Variants in H1-8 observed in about 807,000 individuals in gnomAD.
The protein encoded by H1-8 is H1.8 linker histone, also known as histone H1.8.
A neutral mutation model predicts 19.5 loss-of-function variants in H1-8; 13 were observed. The ratio of observed to expected loss-of-function variants is 0.67; its 90% CI spans 0.43 to 1.06. The LOEUF (loss-of-function observed/expected upper bound fraction) is 1.06. Ranked by LOEUF, H1-8 falls within the 50% of genes least tolerant of loss-of-function variation. The pLI, the probability that H1-8 is intolerant of heterozygous loss-of-function variation, is 0.00. For missense variants in H1-8, 432 were observed against 459.8 expected, an observed-to-expected ratio of 0.94 and a Z score of 0.55; for synonymous variants, 193 against 187.6, an observed-to-expected ratio of 1.03 and a Z score of -0.24.
chr3:129,546,403 G>A (rs1443957861), intron 1 of H1-8, among the ~76,000 whole-genome samples: 3 of 152,200 alleles, frequency 2.0e-5, no homozygotes, highest in East Asian at 1.9e-4. Flanking sequence ...CACTGTACCC[G>A]TCACCCAGCT....
At chr3:129,545,293 G>T (rs1235377429) in intron 1 of H1-8, among the ~76,000 whole-genome samples, 1 of 152,058 alleles carries the variant, frequency 6.6e-6, no homozygotes, top group East Asian at 1.9e-4. Context: ...TTTAAATTCT[G>T]CAGATTGATC....
At chr3:129,547,748 G>T (rs1048697375) in intron 2 of H1-8, 68 bp downstream of exon 2, 1 of 1,376,608 alleles carries the variant, frequency 7.3e-7, no homozygotes, top group Non-Finnish European at 9.6e-7. Flanking sequence ...TGAGTGCTGC[G>T]GCCTCTACTG....
intron 2 of H1-8, 137 bp from the exon 3 acceptor site, chr3:129,548,863 CG>C (rs1434195288): frequency 4.3e-6 from 5 of 1,173,970 alleles, no homozygotes; most frequent in Non-Finnish European, 5.9e-6. Context: ...ACAGTGGCTT[CG>C]TGCCTTCTCC....
At position 129,549,357 on chromosome 3, in the gene H1-8, C is replaced by CAG. The variant is rs2084916720; in HGVS notation, c.736_737dup (p.Ser246ArgfsTer?). 6 of 1,588,266 alleles carry CAG rather than the reference C, an allele frequency of 3.8e-6. No homozygotes were observed. The highest frequency in any genetic ancestry group is 5.1e-6 in the Non-Finnish European group (6 of 1,169,352). Reference sequence around the variant, plus strand: ...AGGCAAAGGCCAAAGGCAGCAGGAGCAGCCAAGGTAGTTGTGTGACTTGTA... The same window carrying CAG: ...AGGCAAAGGCCAAAGGCAGCAGGAGCAGAGCCAAGGTAGTTGTGTGACTTGTA... On this transcript the variant is annotated frameshift_variant, in exon 3 of 5. Transcript: ENST00000324382. LOFTEE classifies it high-confidence loss of function.
chr3:129,545,243 G>A (rs897763756), intron 1 of H1-8, among the ~76,000 whole-genome samples: 3 of 151,720 alleles, frequency 2.0e-5, no homozygotes, highest in Non-Finnish European at 4.4e-5. Flanking sequence ...AAAGATTTTC[G>A]TAGAGTCGAG....
chr3:129,546,153 A>AATAATAATG lies in H1-8; in HGVS notation c.89-1233_89-1232insAATGATAAT, dbSNP rs2084887223. 4.9e-5 allele frequency among the ~76,000 whole-genome samples: 7 copies of AATAATAATG among 142,738 alleles called. No homozygotes were observed. The Admixed American group carries it at 4.9e-4, about 10-fold the overall frequency. The allele number at this position is 142,738 out of a possible 152,430, so 93.6% of individuals were successfully genotyped here. On this transcript the variant is annotated intron_variant, in intron 1 of 4. Coordinates refer to ENST00000324382, the MANE Select transcript of H1-8 (RefSeq NM_153833.3). ...TAATAATAATAATAATAATAATAAT[A>AATAATAATG]ATAATGATAATAATACAAACATTAG...
In H1-8 at chr3:129,549,191, C is replaced by A; in HGVS notation, c.569C>A (p.Pro190Gln). 1.3e-6 allele frequency: 2 copies of A among 1,566,230 alleles called. No individual in the cohort carries two copies. Among genetic ancestry groups the A allele is most frequent in the Non-Finnish European group, 1.7e-6 (2 of 1,154,814 alleles). ...AAGGTGCAGAAGCCTCCTCCCAAGC[C>A]AGGCGCAGCCACAGAGAAGGCTCGC... Reference protein sequence around the residue: ...PAKVQKPPPKPGAATEKARKQ... With the variant: ...PAKVQKPPPKQGAATEKARKQ... The change falls in exon 3 of 5, where the codon CCA becomes CAA. Residue 190 changes from proline (P) to glutamine (Q), a missense_variant. Transcript: ENST00000324382.
chr3:129,545,405 C>A (rs1204241368), intron 1 of H1-8, among the ~76,000 whole-genome samples: 1 of 152,196 alleles, frequency 6.6e-6, no homozygotes. Context: ...TTCCCCCACC[C>A]TTGATCCCAC....
intron 1 of H1-8, among the ~76,000 whole-genome samples, chr3:129,546,140 T>C (rs1442173572): frequency 6.8e-6 from 1 of 147,786 alleles, no homozygotes; most frequent in African/African-American, 2.5e-5. Context: ...ATAATAATAA[T>C]AATAATAATA....
chr3:129,550,633 G>A, intron 3 of H1-8, 112 bp from the exon 4 acceptor site: 1 of 821,968 alleles, frequency 1.2e-6, no homozygotes, highest in South Asian at 1.5e-5. Flanking sequence ...TCACATAACT[G>A]AGTGAAGACC....
rs371303547 is a variant in H1-8 at position 129,543,183 on chromosome 3, C to G, written c.-36C>G. ...TGGGCAGGCCCAGCAGCCTCACACC[C>G]GGGTGAGGGGTCTGCTGGCTGCACC... is the stretch of plus-strand genomic sequence containing the variant. On this transcript the variant is annotated 5_prime_UTR_variant, in exon 1 of 5. Coordinates refer to ENST00000324382, the MANE Select transcript of H1-8 (RefSeq NM_153833.3). 2.6e-6 allele frequency: 4 copies of G among 1,524,432 alleles called. No individual in the cohort carries two copies. In the South Asian group the frequency reaches 3.5e-5, roughly 13 times the overall value. The allele number at this position is 1,524,432 out of a possible 1,614,324, so 94.4% of individuals were successfully genotyped here.
chr3:129,549,034 A>G lies in H1-8; in HGVS notation c.412A>G (p.Arg138Gly). Residue 138 changes from arginine (R) to glycine (G), a missense_variant, in exon 3 of 5, where the codon AGG becomes GGG. Arg to Gly is a moderately radical substitution (Grantham distance 125, BLOSUM62 -2). Transcript: ENST00000324382. Reference sequence around the variant, plus strand: ...CAAGCACAAGAAGAAAATCCAGCCCAGGAAGATGGCCCCCGCGACGGCTCC... The same window carrying G: ...CAAGCACAAGAAGAAAATCCAGCCCGGGAAGATGGCCCCCGCGACGGCTCC... ...VPKHKKKIQP[R>G]KMAPATAPRR... 6.2e-7 allele frequency: 1 copy of G among 1,611,984 alleles called. No individual in the cohort carries two copies. Among genetic ancestry groups the G allele is most frequent in the Non-Finnish European group, 8.5e-7 (1 of 1,179,290 alleles).
intron 2 of H1-8, chr3:129,548,565 C>A: frequency 1.1e-6 from 1 of 895,260 alleles, no homozygotes; most frequent in Non-Finnish European, 1.3e-6. Flanking sequence ...CCCTGCCGCT[C>A]ACAGCCTTGG....
rs781711105 is a variant in H1-8, at chr3:129,547,662, G to C, written c.360G>C (p.Gly120=). Reference sequence around the variant, plus strand: ...GGCCCCTCAACTCCAAAGCCAGGGGGGCCACTGGCAGCTTCAAAGTAAGCG... The same window carrying C: ...GGCCCCTCAACTCCAAAGCCAGGGGCGCCACTGGCAGCTTCAAAGTAAGCG... ...LARPLNSKAR[G]ATGSFKLVPK... is the part of the protein sequence containing the mutation. The change falls in exon 2 of 5, where the codon GGG becomes GGC. Residue 120 remains glycine, a synonymous_variant. Coordinates refer to ENST00000324382, the MANE Select transcript of H1-8 (RefSeq NM_153833.3). 32 of 1,543,506 alleles carry C rather than the reference G, an allele frequency of 2.1e-5. No individual in the cohort carries two copies. The highest frequency in any genetic ancestry group is 2.6e-5 in the Non-Finnish European group (30 of 1,146,564).
intron 1 of H1-8, among the ~76,000 whole-genome samples, chr3:129,547,173 G>A (rs2084894507): frequency 6.6e-6 from 1 of 152,164 alleles, no homozygotes. Context: ...CTCCAGCCTG[G>A]GGACATAGAG....
At chr3:129,548,942 G>T (rs1387610595) in intron 2 of H1-8, 59 bp from the exon 3 acceptor site, 3 of 1,535,532 alleles carry the variant, frequency 2.0e-6, no homozygotes, top group Non-Finnish European at 2.6e-6. Flanking sequence ...CTTACGGGGG[G>T]TGGGGGGCGT....
chr3:129,549,388 T>G (rs1179354752), intron 3 of H1-8, 24 bp downstream of exon 3: 1,079 of 1,269,476 alleles, frequency 8.5e-4, no homozygotes, highest in South Asian at 3.0e-3. Context: ...TTGTAGGGGG[T>G]GGTGTGGGGA....
chr3:129,547,457 AC>A lies in H1-8; in HGVS notation c.161del (p.Pro54ArgfsTer44), dbSNP rs768737255. The A allele has an allele frequency of 2.8e-6, 4 of 1,424,740 alleles. No individual in the cohort carries two copies. Among genetic ancestry groups the A allele is most frequent in the Admixed American group, 4.4e-5 (2 of 45,854 alleles). The allele number at this position is 1,424,740 out of a possible 1,614,324, so 88.3% of individuals were successfully genotyped here. ...AGCAGCCTCCCGGTGGGACGCCGCC[AC>A]CCCCCGGTGCTACGCATGGTGCTGG... ...SHSSLPVGRR[H>X]PPVLRMVLEA... On this transcript the variant is annotated frameshift_variant, in exon 2 of 5. Coordinates refer to ENST00000324382, the MANE Select transcript of H1-8 (RefSeq NM_153833.3). LOFTEE classifies it high-confidence loss of function.
At chr3:129,546,249 G>A (rs2084888137) in intron 1 of H1-8, among the ~76,000 whole-genome samples, 1 of 152,072 alleles carries the variant, frequency 6.6e-6, no homozygotes, top group Non-Finnish European at 1.5e-5. Flanking sequence ...ACTTGAGCTG[G>A]AGAGGTCAAG....
Sources: allele counts gnomAD v4.1 joint callset (sites outside exome capture counted in the v4.1 genomes callset), GRCh38; gene constraint gnomAD v4.1.1; transcripts MANE v1.5; gene names NCBI Gene and HGNC (gene_info 2026-07-23, HGNC 2026-07-21).